The following ULK4 variants were observed in gnomAD, a reference collection of about 807,000 sequenced individuals.
ULK4 encodes inactive serine/threonine-protein kinase ULK4.
In ULK4, 133 loss-of-function variants were observed where a neutral mutation model predicts 160.6. The ratio of observed to expected loss-of-function variants is 0.83; its 90% CI spans 0.72 to 0.96. The LOEUF is 0.96. Among genes scored for constraint, ULK4 ranks in the 40% least tolerant of loss-of-function variants. ULK4 has a pLI of 0.00. For synonymous variants in ULK4, 534 were observed against 539.8 expected (o/e 0.99, Z 0.15); for missense variants, 1,580 against 1,499.5 (o/e 1.05, Z -0.89).
intron 35 of ULK4, among the ~76,000 whole-genome samples, chr3:41,339,736 G>A (rs556238785): frequency 2.0e-5 from 3 of 152,174 alleles, no homozygotes; most frequent in Non-Finnish European, 2.9e-5. Context: ...TTAGAATTTC[G>A]AATTCTCCAT....
At chr3:41,634,507 A>G (rs564715402) in intron 30 of ULK4, among the ~76,000 whole-genome samples, 1 of 152,346 alleles carries the variant, frequency 6.6e-6, no homozygotes, top group South Asian at 2.1e-4. Context: ...CAGACAGAGA[A>G]AAAGAAAAAT....
chr3:41,466,193 C>T (rs2083829505), intron 32 of ULK4, among the ~76,000 whole-genome samples: 2 of 152,110 alleles, frequency 1.3e-5, no homozygotes, highest in Admixed American at 1.3e-4. Context: ...TCTGACTGGG[C>T]ATTAGACACT....
intron 32 of ULK4, among the ~76,000 whole-genome samples, chr3:41,510,253 T>TA (rs2085525564): frequency 6.6e-6 from 1 of 152,188 alleles, no homozygotes; most frequent in Admixed American, 6.5e-5. Flanking sequence ...TACATAATGA[T>TA]AAGAGGACTA....
Position 41,364,276 on chromosome 3 carries a change from A to G in ULK4, c.3678+33803T>C, listed in dbSNP as rs1453064259. Among the ~76,000 whole-genome samples the G allele has an allele frequency of 2.0e-5, 3 of 151,980 alleles. No individual in the cohort carries two copies. In the East Asian group the frequency reaches 5.8e-4, roughly 29 times the overall value. On this transcript the variant is annotated intron_variant, in intron 35 of 36. Coordinates refer to ENST00000301831, the MANE Select transcript of ULK4 (RefSeq NM_017886.4). ...TTAATCCAGTCACTGGTGATTAACT[A>G]TCCGGAAGGGCTCACTCAATACTCC...
At chr3:41,730,445 A>C (rs1368434531) in intron 22 of ULK4, among the ~76,000 whole-genome samples, 1 of 152,196 alleles carries the variant, frequency 6.6e-6, no homozygotes, top group Admixed American at 6.5e-5. Context: ...TAGATATTAC[A>C]ATGTATGTCA....
chr3:41,616,652 C>T (rs187814169), intron 30 of ULK4, among the ~76,000 whole-genome samples: 1 of 152,290 alleles, frequency 6.6e-6, no homozygotes, highest in East Asian at 1.9e-4. Flanking sequence ...GAGATTCCCT[C>T]GTGTGCCTAT....
At chr3:41,630,398 A>G (rs1293595869) in intron 30 of ULK4, among the ~76,000 whole-genome samples, 1 of 152,204 alleles carries the variant, frequency 6.6e-6, no homozygotes, top group Non-Finnish European at 1.5e-5. Context: ...CTCAGCTCGT[A>G]GAGCCACACA....
chr3:41,342,354 T>C lies in ULK4; in HGVS notation c.3678+55725A>G, dbSNP rs146028225. On this transcript the variant is annotated intron_variant, in intron 35 of 36. Coordinates refer to ENST00000301831, the MANE Select transcript of ULK4 (RefSeq NM_017886.4). ...CTAATGCTTCCATCTTGAATTTCCATTGAGCCCAAAGTTTCTAATCTATTT... is the reference window on the plus strand; with the variant it reads ...CTAATGCTTCCATCTTGAATTTCCACTGAGCCCAAAGTTTCTAATCTATTT... Among the ~76,000 whole-genome samples, 137 of 152,320 alleles carry C rather than the reference T, an allele frequency of 9.0e-4. No homozygotes were observed. In the East Asian group the frequency reaches 9.4e-3, roughly 10 times the overall value.
intron 30 of ULK4, among the ~76,000 whole-genome samples, chr3:41,641,784 A>C (rs566096438): frequency 7.2e-5 from 11 of 152,230 alleles, no homozygotes; most frequent in African/African-American, 2.6e-4. Context: ...ATTTTTCCCA[A>C]TTACCCAAGA....
intron 22 of ULK4, among the ~76,000 whole-genome samples, chr3:41,724,656 GA>G (rs1239081494): frequency 6.6e-6 from 1 of 152,104 alleles, no homozygotes; most frequent in African/African-American, 2.4e-5. Flanking sequence ...CCGGGAGGCA[GA>G]GCTTGCAGTG....
chr3:41,715,654 A>C, intron 23 of ULK4, 86 bp from the exon 24 acceptor site: 2 of 1,530,342 alleles, frequency 1.3e-6, no homozygotes, highest in Non-Finnish European at 1.8e-6. Context: ...TACCCATGGG[A>C]CTTCTAAGGT....
intron 35 of ULK4, among the ~76,000 whole-genome samples, chr3:41,254,975 G>A (rs2078806236): frequency 1.3e-5 from 2 of 151,790 alleles, no homozygotes; most frequent in Non-Finnish European, 2.9e-5. Context: ...AACATTAAGA[G>A]GAATGTGGTA....
At chr3:41,860,133 T>G (rs917186574) in intron 17 of ULK4, among the ~76,000 whole-genome samples, 2 of 152,086 alleles carry the variant, frequency 1.3e-5, no homozygotes, top group African/African-American at 4.8e-5. Context: ...TTTTTAAGAC[T>G]TGTTTTGTGA....
At chr3:41,511,311 C>CA (rs1462395288) in intron 32 of ULK4, among the ~76,000 whole-genome samples, 4 of 149,688 alleles carry the variant, frequency 2.7e-5, no homozygotes, top group African/African-American at 9.8e-5. Context: ...TAAATGAAAT[C>CA]AAAAAAACAA....
intron 29 of ULK4, among the ~76,000 whole-genome samples, chr3:41,670,316 C>G (rs977018944): frequency 2.6e-5 from 4 of 152,126 alleles, no homozygotes; most frequent in African/African-American, 9.7e-5. Flanking sequence ...ACATCTCTTT[C>G]AAAATGTGAA....
intron 35 of ULK4, among the ~76,000 whole-genome samples, chr3:41,312,872 C>T (rs1449256525): frequency 6.6e-6 from 1 of 152,088 alleles, no homozygotes; most frequent in East Asian, 1.9e-4. Context: ...TAAGTGGCCC[C>T]AGGAGGGTTT....
intron 35 of ULK4, among the ~76,000 whole-genome samples, chr3:41,371,387 A>G (rs554407771): frequency 4.6e-5 from 7 of 152,260 alleles, no homozygotes; most frequent in African/African-American, 1.7e-4. Context: ...GACACCTCAC[A>G]CAGGAGAGCT....
chr3:41,878,675 TAAAAAAAAA>T (rs33987084), intron 17 of ULK4, among the ~76,000 whole-genome samples: 1 of 95,934 alleles, frequency 1.0e-5, no homozygotes, highest in African/African-American at 4.0e-5. Flanking sequence ...TTAAAACTGT[TAAAAAAAAA>T]AAAAAAAAAA....
intron 33 of ULK4, among the ~76,000 whole-genome samples, chr3:41,459,209 AC>A (rs1243286635): frequency 6.6e-6 from 1 of 150,782 alleles, no homozygotes; most frequent in Non-Finnish European, 1.5e-5. Context: ...GTGCCACCAC[AC>A]CCGGCTAATT....
Sources: gnomAD v4.1 joint callset for allele counts (sites outside exome capture counted in the v4.1 genomes callset) on GRCh38, gnomAD v4.1.1 for gene constraint, MANE v1.5 for transcripts, NCBI Gene and HGNC (gene_info 2026-07-23, HGNC 2026-07-21) for gene names.